The following SOX6 variants were observed in gnomAD, a reference collection of about 807,000 sequenced individuals.
SOX6 encodes transcription factor SOX-6.
A neutral mutation model predicts 97.8 loss-of-function variants in SOX6; 11 were observed. The observed-to-expected ratio is 0.11, with a 90% CI of 0.07 to 0.19. The LOEUF is 0.19. Ranked by LOEUF, SOX6 falls within the 10% of genes least tolerant of loss-of-function variation. The pLI, the probability that SOX6 is intolerant of heterozygous loss-of-function variation, is 1.00. For synonymous variants in SOX6, 360 were observed against 371.4 expected (o/e 0.97, Z 0.35); for missense variants, 810 against 1,039.5 (o/e 0.78, Z 3.04).
At chr11:15,998,940 A>G (rs1854315562) in intron 13 of SOX6, among the ~76,000 whole-genome samples, 1 of 152,120 alleles carries the variant, frequency 6.6e-6, no homozygotes, top group African/African-American at 2.4e-5. Flanking sequence ...ATAAAAATTA[A>G]AACTCTGCTT....
chr11:16,405,730 C>T (rs1470445147), intron 1 of SOX6, among the ~76,000 whole-genome samples: 2 of 152,062 alleles, frequency 1.3e-5, no homozygotes, highest in African/African-American at 4.8e-5. Flanking sequence ...TCCTATCCCT[C>T]TCCCCTCTGC....
intron 3 of SOX6, among the ~76,000 whole-genome samples, chr11:16,683,940 C>T (rs1462716284): frequency 6.6e-6 from 1 of 152,160 alleles, no homozygotes; most frequent in Non-Finnish European, 1.5e-5. Flanking sequence ...TGAACAGACA[C>T]TTCTCAAAAG....
chr11:16,514,215 C>CA (rs35019872), intron 4 of SOX6, among the ~76,000 whole-genome samples: 32,194 of 102,454 alleles, frequency 0.31, 4,469 homozygotes, highest in Middle Eastern at 0.44. Flanking sequence ...GTCCCTGGCT[C>CA]AAAAAAAAAA....
chr11:16,175,959 A>G (rs552007146), intron 6 of SOX6, among the ~76,000 whole-genome samples: 27 of 152,020 alleles, frequency 1.8e-4, no homozygotes, highest in African/African-American at 6.5e-4. Flanking sequence ...CTTTCTAGCT[A>G]GTAAGTAAAA....
At chr11:16,342,900 G>C (rs1856676037) in intron 1 of SOX6, among the ~76,000 whole-genome samples, 1 of 151,728 alleles carries the variant, frequency 6.6e-6, no homozygotes, top group Non-Finnish European at 1.5e-5. Flanking sequence ...AACAAAAATT[G>C]TATCTATTAA....
intron 3 of SOX6, among the ~76,000 whole-genome samples, chr11:16,643,021 T>C (rs1848946880): frequency 6.6e-6 from 1 of 152,232 alleles, no homozygotes; most frequent in South Asian, 2.1e-4. Context: ...TTTTCTGCTC[T>C]GTTTTTTCCC....
Position 16,306,223 on chromosome 11 carries a change from G to A in SOX6, c.445+12223C>T, listed in dbSNP as rs555703926. Among the ~76,000 whole-genome samples the A allele has an allele frequency of 4.6e-5, 7 of 152,160 alleles. 1 individual carries two copies. The South Asian group carries it at 8.3e-4, about 18-fold the overall frequency. ...TAAAATATTACCGCTGGGGGAAACC[G>A]GGCAAAAGGTACATAGAATCTCTCT... On this transcript the variant is annotated intron_variant, in intron 3 of 15. Coordinates refer to ENST00000683767, the MANE Select transcript of SOX6 (RefSeq NM_001367873.1).
At chr11:16,563,998 T>C (rs753040513) in intron 4 of SOX6, among the ~76,000 whole-genome samples, 6 of 152,056 alleles carry the variant, frequency 3.9e-5, no homozygotes, top group African/African-American at 7.2e-5. Context: ...CAAAATCCTA[T>C]ACCCAATGAA....
intron 3 of SOX6, among the ~76,000 whole-genome samples, chr11:16,293,053 G>T (rs1160666443): frequency 6.6e-6 from 1 of 151,960 alleles, no homozygotes; most frequent in Admixed American, 6.6e-5. Flanking sequence ...TAGGCACAAA[G>T]GAGAAAAAAA....
chr11:16,329,964 T>C (rs1856234523), intron 2 of SOX6, among the ~76,000 whole-genome samples: 1 of 152,214 alleles, frequency 6.6e-6, no homozygotes, highest in African/African-American at 2.4e-5. Flanking sequence ...ACAGTACCTT[T>C]CTATCCTCTC....
intron 12 of SOX6, among the ~76,000 whole-genome samples, chr11:16,034,775 A>T (rs1261781485): frequency 6.6e-6 from 1 of 152,186 alleles, no homozygotes; most frequent in Non-Finnish European, 1.5e-5. Flanking sequence ...ACACAGACAG[A>T]CATACAGATT....
intron 12 of SOX6, among the ~76,000 whole-genome samples, chr11:16,020,978 A>C (rs1855040984): frequency 6.6e-6 from 1 of 152,222 alleles, no homozygotes. Flanking sequence ...GGGCAATAAT[A>C]ATCAAAACAA....
intron 6 of SOX6, among the ~76,000 whole-genome samples, chr11:16,122,887 T>G (rs1849527195): frequency 6.6e-6 from 1 of 152,084 alleles, no homozygotes; most frequent in Non-Finnish European, 1.5e-5. Flanking sequence ...TCAAAGTCCA[T>G]TCATCATTTA....
intron 1 of SOX6, among the ~76,000 whole-genome samples, chr11:16,348,345 T>C (rs1856823729): frequency 6.6e-6 from 1 of 152,094 alleles, no homozygotes. Flanking sequence ...ATTGTCACCT[T>C]CCATTGTAAT....
chr11:16,583,640 C>CATATGTATATATATATATATAT (rs1342015213), intron 4 of SOX6, among the ~76,000 whole-genome samples: 12 of 92,802 alleles, frequency 1.3e-4, no homozygotes, highest in Non-Finnish European at 2.5e-4. Flanking sequence ...TATATATACA[C>CATATGTATATATATATATATAT]ATACACACAC....
chr11:16,388,318 A>G (rs7123022), intron 1 of SOX6, among the ~76,000 whole-genome samples: 151,534 of 152,252 alleles, frequency 1, 75,415 homozygotes, highest in Middle Eastern at 1. Flanking sequence ...TGGATTTGCT[A>G]TTGTTTTGTT....
In SOX6 at chr11:15,972,713, T is replaced by C; in HGVS notation, c.*96A>G. On this transcript the variant is annotated 3_prime_UTR_variant, in exon 16 of 16. Transcript: ENST00000683767. The stretch of plus-strand genomic sequence containing the variant: ...AATTAAGACCATTCTGCTGATGTAA[T>C]TGTGGAGCCACAAATGCATGCGGGC... The C allele has an allele frequency of 1.5e-6, 2 of 1,296,686 alleles. No individual in the cohort carries two copies. The highest frequency in any genetic ancestry group is 1.2e-5 in the South Asian group (1 of 83,982). The allele number at this position is 1,296,686 out of a possible 1,614,324, so 80.3% of individuals were successfully genotyped here.
intron 4 of SOX6, among the ~76,000 whole-genome samples, chr11:16,598,151 G>A (rs911521975): frequency 5.9e-5 from 9 of 151,776 alleles, no homozygotes; most frequent in South Asian, 2.1e-4. Context: ...CTTTACATTC[G>A]TTTATCTCAT....
chr11:16,453,956 T>C (rs945578734), intron 1 of SOX6, among the ~76,000 whole-genome samples: 7 of 152,166 alleles, frequency 4.6e-5, no homozygotes, highest in Non-Finnish European at 7.4e-5. Flanking sequence ...AGTTAAGTCT[T>C]GCTGATATAA....
Sources: gnomAD v4.1 joint callset for allele counts (sites outside exome capture counted in the v4.1 genomes callset) on GRCh38, gnomAD v4.1.1 for gene constraint, MANE v1.5 for transcripts, NCBI Gene and HGNC (gene_info 2026-07-23, HGNC 2026-07-21) for gene names.